BTBD7: variants seen among roughly 807,000 people sequenced by gnomAD.
BTBD7 encodes BTB domain containing 7, also known as BTB/POZ domain-containing protein 7.
In BTBD7, 38 loss-of-function variants were observed where a neutral mutation model predicts 99.9. The ratio of observed to expected loss-of-function variants is 0.38; its 90% CI spans 0.29 to 0.50. The LOEUF (loss-of-function observed/expected upper bound fraction) is 0.50, where lower values mean the gene tolerates loss of function less well. Among genes scored for constraint, BTBD7 ranks in the 20% least tolerant of loss-of-function variants. The pLI is 0.93. For synonymous variants in BTBD7, 520 were observed against 511.4 expected (o/e 1.02, Z -0.23); for missense variants, 1,170 against 1,394.6 (o/e 0.84, Z 2.57).
chr14:93,310,296 C>A (rs1595335777), intron 1 of BTBD7, among the ~76,000 whole-genome samples: 1 of 152,150 alleles, frequency 6.6e-6, no homozygotes. Flanking sequence ...AACTCCTGGG[C>A]AGTGTTAACA....
intron 1 of BTBD7, among the ~76,000 whole-genome samples, chr14:93,311,209 G>C (rs1001680943): frequency 2.0e-5 from 3 of 152,148 alleles, no homozygotes; most frequent in African/African-American, 7.2e-5. Context: ...AGTTCAAACT[G>C]TCCCATCTTT....
In BTBD7 at chr14:93,292,895, T is replaced by C. The variant is rs118026454; in HGVS notation, c.1162+963A>G. On this transcript the variant is annotated intron_variant, in intron 3 of 10. Transcript: ENST00000334746. ...TTGATAGGCTGACTTAACCATATAA[T>C]ACATATTATTTTCAAGTTCAGTACT... Among the ~76,000 whole-genome samples the C allele has an allele frequency of 3.5e-3, 534 of 152,322 alleles. 12 individuals are homozygous for C. The South Asian group carries it at 0.052, about 15-fold the overall frequency.
chr14:93,273,025 A>G (rs577025442), intron 3 of BTBD7, among the ~76,000 whole-genome samples: 16 of 152,202 alleles, frequency 1.1e-4, no homozygotes. Flanking sequence ...ATGGGAGGAG[A>G]CACCCAGCAA....
At chr14:93,315,947 G>GT (rs1319869663) in intron 1 of BTBD7, among the ~76,000 whole-genome samples, 1 of 125,862 alleles carries the variant, frequency 7.9e-6, no homozygotes, top group Non-Finnish European at 1.6e-5. Context: ...GGAGCAAAAT[G>GT]TATCTTTTTT....
rs1566857124 is a variant in BTBD7 at position 93,300,758 on chromosome 14, GTGTGTGTGTGTGTGTATATA to G, written c.-106-4621_-106-4602del. ...TGTGTGTGTGTGTGTGTGTGTGTGT[GTGTGTGTGTGTGTGTATATA>G]TATATATATTTTTTTTTTGTAGAGA... On this transcript the variant is annotated intron_variant, in intron 1 of 10. Coordinates refer to ENST00000334746, the MANE Select transcript of BTBD7 (RefSeq NM_001002860.4). 2.0e-3 allele frequency among the ~76,000 whole-genome samples: 88 copies of G among 43,990 alleles called. 4 individuals are homozygous for G. Among genetic ancestry groups the G allele is most frequent in the South Asian group, 3.4e-3 (5 of 1,458 alleles). The allele number at this position is 43,990 out of a possible 152,430, so 28.9% of individuals were successfully genotyped here.
chr14:93,310,288 C>A (rs550201803), intron 1 of BTBD7, among the ~76,000 whole-genome samples: 8 of 152,142 alleles, frequency 5.3e-5, no homozygotes, highest in Admixed American at 2.0e-4. Flanking sequence ...TAATATGAAA[C>A]TCCTGGGCAG....
intron 3 of BTBD7, among the ~76,000 whole-genome samples, chr14:93,275,629 G>A (rs1229726757): frequency 6.6e-6 from 1 of 152,138 alleles, no homozygotes; most frequent in Non-Finnish European, 1.5e-5. Flanking sequence ...AACCTAGATG[G>A]TTTAAGGCCT....
intron 3 of BTBD7, among the ~76,000 whole-genome samples, chr14:93,282,099 T>C (rs115821095): frequency 0.018 from 2,694 of 152,228 alleles, 82 homozygotes; most frequent in African/African-American, 0.062. Flanking sequence ...TCATTTCTAT[T>C]ACAGGAAGCA....
In BTBD7 at chr14:93,246,138, G is replaced by C. The variant is rs765611364; in HGVS notation, c.2270C>G (p.Pro757Arg). 2 of 1,614,014 alleles carry C rather than the reference G, an allele frequency of 1.2e-6. No individual in the cohort carries two copies. The highest frequency in any genetic ancestry group is 8.5e-7 in the Non-Finnish European group (1 of 1,179,968). ...DLDSFVAFHP[P>R]LPPPPPPYHP... ...GTAGGGAGGTGGTGGAGGGGGCAAG[G>C]GTGGATGGAAGGCCACAAAAGAGTC... The change falls in exon 10 of 11, where the codon CCC (proline) becomes CGC (arginine). Residue 757 changes from proline (P) to arginine (R), a missense_variant. Pro to Arg is a moderately radical substitution (Grantham distance 103). Coordinates refer to ENST00000334746, the MANE Select transcript of BTBD7 (RefSeq NM_001002860.4).
chr14:93,248,401 C>T (rs1293919318), intron 9 of BTBD7, 75 bp downstream of exon 9: 11 of 1,480,568 alleles, frequency 7.4e-6, no homozygotes, highest in South Asian at 3.7e-5. Flanking sequence ...GCCAAGGACT[C>T]GTCAGGATGC....
chr14:93,297,535 C>T (rs923474125), intron 1 of BTBD7, among the ~76,000 whole-genome samples: 2 of 152,128 alleles, frequency 1.3e-5, no homozygotes, highest in Non-Finnish European at 2.9e-5. Context: ...GTTGGCCAGG[C>T]TGGTCTTGAA....
At chr14:93,269,075 A>T (rs925854423) in intron 3 of BTBD7, among the ~76,000 whole-genome samples, 2 of 152,148 alleles carry the variant, frequency 1.3e-5, no homozygotes, top group African/African-American at 4.8e-5. Flanking sequence ...TAGGACTTTT[A>T]CTAATCAATG....
chr14:93,247,325 CTTTTTTGTTTGT>C (rs940381637), intron 9 of BTBD7, among the ~76,000 whole-genome samples: 14 of 142,834 alleles, frequency 9.8e-5, no homozygotes, highest in African/African-American at 3.4e-4. Context: ...CCAGCCTATT[CTTTTTTGTTTGT>C]TTGTTTGTTT....
intron 1 of BTBD7, among the ~76,000 whole-genome samples, chr14:93,311,595 ATTATC>A (rs1052308748): frequency 3.3e-5 from 5 of 152,104 alleles, no homozygotes; most frequent in Admixed American, 2.6e-4. Context: ...ACTCAATCTC[ATTATC>A]TTATATCATT....
In BTBD7 at chr14:93,294,810, A is replaced by G. The variant is rs558408627; in HGVS notation, c.210T>C (p.Phe70=). 6.2e-7 allele frequency: 1 copy of G among 1,614,056 alleles called. No individual in the cohort carries two copies. Among genetic ancestry groups the G allele is most frequent in the East Asian group, 2.2e-5 (1 of 44,866 alleles). The change falls in exon 3 of 11, where the codon TTT becomes TTC. Residue 70 remains phenylalanine (F), a synonymous_variant. Coordinates refer to ENST00000334746, the MANE Select transcript of BTBD7 (RefSeq NM_001002860.4). ...ACCTATTAGATTTCCGACGCTTAAT[A>G]AACTTCTTTTTGAGGGTGGCAAGAC... ...TSGLATLKKK[F]IKRRKSNRSA...
At chr14:93,300,603 A>G (rs2052982648) in intron 1 of BTBD7, among the ~76,000 whole-genome samples, 3 of 150,930 alleles carry the variant, frequency 2.0e-5, no homozygotes, top group Middle Eastern at 6.9e-3. Flanking sequence ...CTAGACGTGC[A>G]TGGCTCACTG....
At chr14:93,291,686 A>G (rs1055336473) in intron 3 of BTBD7, among the ~76,000 whole-genome samples, 1 of 152,170 alleles carries the variant, frequency 6.6e-6, no homozygotes, top group Non-Finnish European at 1.5e-5. Context: ...TTTGTACACA[A>G]GATTTTTTTT....
chr14:93,319,359 G>A (rs2053243953), intron 1 of BTBD7, among the ~76,000 whole-genome samples: 1 of 152,206 alleles, frequency 6.6e-6, no homozygotes, highest in African/African-American at 2.4e-5. Context: ...CAGCCAAGAT[G>A]TGGAAACAAC....
Position 93,283,713 on chromosome 14 carries a change from G to A in BTBD7, c.1162+10145C>T, listed in dbSNP as rs141744108. Among the ~76,000 whole-genome samples, 409 of 152,130 alleles carry A rather than the reference G, an allele frequency of 2.7e-3. 1 individual carries two copies. Among genetic ancestry groups the A allele is most frequent in the African/African-American group, 9.3e-3 (386 of 41,494 alleles). The stretch of plus-strand genomic sequence containing the variant: ...ATTACAGGTGTGCGCCACCATGCCC[G>A]GCTGATTTTTGTATTTTTAGTAGAG... On this transcript the variant is annotated intron_variant, in intron 3 of 10. Coordinates refer to ENST00000334746, the MANE Select transcript of BTBD7 (RefSeq NM_001002860.4).
Sources: allele counts gnomAD v4.1 joint callset (sites outside exome capture counted in the v4.1 genomes callset), GRCh38; gene constraint gnomAD v4.1.1; transcripts MANE v1.5; gene names NCBI Gene and HGNC (gene_info 2026-07-23, HGNC 2026-07-21).